Variants in SEMA4D observed in about 807,000 individuals in gnomAD.
The protein encoded by SEMA4D is semaphorin-4D.
Under a neutral mutation model 74.8 loss-of-function variants are expected in SEMA4D, and 22 were observed. The ratio of observed to expected loss-of-function variants is 0.29; its 90% CI spans 0.21 to 0.42. The LOEUF (loss-of-function observed/expected upper bound fraction) is 0.42. Among genes scored for constraint, SEMA4D ranks in the 10% least tolerant of loss-of-function variants. SEMA4D has a pLI of 1.00. For synonymous variants in SEMA4D, 445 were observed against 463.7 expected (o/e 0.96, Z 0.52); for missense variants, 937 against 1,118.4 (o/e 0.84, Z 2.31).
chr9:89,431,582 T>C (rs1849287839), intron 2 of SEMA4D, among the ~76,000 whole-genome samples: 1 of 152,220 alleles, frequency 6.6e-6, no homozygotes, highest in African/African-American at 2.4e-5. Flanking sequence ...ACTGCAGCCT[T>C]GAGCTCCTGG....
chr9:89,398,588 T>C (rs1388869487), intron 5 of SEMA4D, among the ~76,000 whole-genome samples: 1 of 152,204 alleles, frequency 6.6e-6, no homozygotes, highest in Non-Finnish European at 1.5e-5. Context: ...AGGACAGCTG[T>C]CCCACACAAT....
intron 1 of SEMA4D, among the ~76,000 whole-genome samples, chr9:89,461,739 C>T (rs1388836431): frequency 4.5e-5 from 6 of 132,084 alleles, no homozygotes; most frequent in Non-Finnish European, 9.3e-5. Context: ...GTCTCGCTCT[C>T]CCTCCCAGGC....
intron 2 of SEMA4D, chr9:89,418,405 T>TAAG: frequency 1.0e-6 from 1 of 985,468 alleles, no homozygotes; most frequent in Non-Finnish European, 1.2e-6. Flanking sequence ...AGGTGTACTT[T>TAAG]CTTGCACAAT....
At chr9:89,478,559 A>G (rs751671022) in intron 1 of SEMA4D, among the ~76,000 whole-genome samples, 4 of 152,148 alleles carry the variant, frequency 2.6e-5, no homozygotes, top group Non-Finnish European at 5.9e-5. Context: ...ATTCATCCCT[A>G]TGTCCCCTGT....
At position 89,449,620 on chromosome 9, in the gene SEMA4D, T is replaced by A. The variant is rs1257250289; in HGVS notation, c.-244+6268A>T. The A allele has an allele frequency of 4.4e-5, 52 of 1,179,682 alleles. 1 individual carries two copies. The highest frequency in any genetic ancestry group is 6.6e-5 in the Non-Finnish European group (52 of 790,120). 73.1% of individuals were successfully genotyped at this position (1,179,682 alleles called of 1,614,324 possible). On this transcript the variant is annotated intron_variant, in intron 2 of 15. Transcript: ENST00000422704. ...CCGAGGACCTGGTCGTGACCAACTA[T>A]AAGATGGGGGGGTGACATTGCCAAT...
chr9:89,456,246 C>T (rs1469315050), intron 1 of SEMA4D, among the ~76,000 whole-genome samples: 2 of 152,200 alleles, frequency 1.3e-5, no homozygotes, highest in Admixed American at 6.5e-5. Context: ...CCTGGCCAGG[C>T]ACCAACTTAG....
intron 2 of SEMA4D, among the ~76,000 whole-genome samples, chr9:89,407,282 G>C (rs929890703): frequency 6.6e-6 from 1 of 151,126 alleles, no homozygotes; most frequent in Admixed American, 6.6e-5. Flanking sequence ...CTCTTTAAAG[G>C]AGGCTGATTC....
chr9:89,449,624 A>AT (rs1236607440), intron 2 of SEMA4D: 2 of 1,207,522 alleles, frequency 1.7e-6, no homozygotes, highest in Non-Finnish European at 2.5e-6. Context: ...CAACTATAAG[A>AT]TGGGGGGGTG....
rs188796374 is a variant in SEMA4D at position 89,496,238 on chromosome 9, C to T, written c.-310+1681G>A. Among the ~76,000 whole-genome samples, 226 of 152,360 alleles carry T rather than the reference C, an allele frequency of 1.5e-3. 1 individual carries two copies. The highest frequency in any genetic ancestry group is 5.1e-3 in the African/African-American group (214 of 41,584). On this transcript the variant is annotated intron_variant, in intron 1 of 15. Transcript: ENST00000422704. ...TTCAACAGACTCTGGGTGTGCTTCT[C>T]AGGAGGTGGGCCCCCTCCCATGGAG...
intron 2 of SEMA4D, among the ~76,000 whole-genome samples, chr9:89,421,540 A>G (rs1376819365): frequency 6.6e-6 from 1 of 152,226 alleles, no homozygotes; most frequent in Non-Finnish European, 1.5e-5. Flanking sequence ...GAACGAGGCT[A>G]TTCAATAGGT....
chr9:89,407,804 G>A (rs958598845), intron 2 of SEMA4D, among the ~76,000 whole-genome samples: 3 of 152,234 alleles, frequency 2.0e-5, no homozygotes, highest in Non-Finnish European at 4.4e-5. Flanking sequence ...CTGCATGGCT[G>A]TGTAACGGCT....
Position 89,382,224 on chromosome 9 carries a change from G to A in SEMA4D, c.1447-878C>T, listed in dbSNP as rs139969308. 6.2e-3 allele frequency among the ~76,000 whole-genome samples: 951 copies of A among 152,346 alleles called. 7 individuals are homozygous for A. Among genetic ancestry groups the A allele is most frequent in the African/African-American group, 0.021 (889 of 41,586 alleles). The stretch of plus-strand genomic sequence containing the variant: ...CCCACATGCAGTGCACCCACCTGAA[G>A]CTCGGGGGCGTGCAACAGACCTGGA... On this transcript the variant is annotated intron_variant, in intron 13 of 15. Transcript: ENST00000422704.
chr9:89,465,849 T>G (rs1467113502), intron 1 of SEMA4D, among the ~76,000 whole-genome samples: 1 of 152,236 alleles, frequency 6.6e-6, no homozygotes, highest in African/African-American at 2.4e-5. Flanking sequence ...ATTCAAAGGC[T>G]GCCTATGCCC....
chr9:89,485,788 CAAAAAAAAAAAAAAAAA>C (rs56056536), intron 1 of SEMA4D, among the ~76,000 whole-genome samples: 1 of 76,840 alleles, frequency 1.3e-5, no homozygotes, highest in Non-Finnish European at 2.4e-5. Context: ...AACTCCATCT[CAAAAAAAAAAAAAAAAA>C]AAAAAAAAAG....
intron 2 of SEMA4D, among the ~76,000 whole-genome samples, chr9:89,449,271 T>C (rs536001125): frequency 6.6e-6 from 1 of 152,340 alleles, no homozygotes; most frequent in African/African-American, 2.4e-5. Flanking sequence ...TCTCAAAGCC[T>C]GATACGGTTG....
In SEMA4D at chr9:89,405,564, C is replaced by A; in HGVS notation, c.-108G>T. On this transcript the variant is annotated 5_prime_UTR_variant, in exon 3 of 16. Transcript: ENST00000422704. Reference sequence around the variant, plus strand: ...CTCAGCGCCCCAGGACCAGGGCCAGCAGCACAGCCTGGAGCTCGTGAACAG... The same window carrying A: ...CTCAGCGCCCCAGGACCAGGGCCAGAAGCACAGCCTGGAGCTCGTGAACAG... 6.6e-7 allele frequency: 1 copy of A among 1,521,706 alleles called. No homozygotes were observed. The highest frequency in any genetic ancestry group is 8.8e-7 in the Non-Finnish European group (1 of 1,138,780). 94.3% of individuals were successfully genotyped at this position (1,521,706 alleles called of 1,614,324 possible). A position where few individuals can be genotyped will look rare whatever the true frequency, so the allele number is the denominator to read the frequency against.
At chr9:89,485,788 C>CAAAAAAAAAAAAAAAAA (rs56056536) in intron 1 of SEMA4D, among the ~76,000 whole-genome samples, 3 of 76,842 alleles carry the variant, frequency 3.9e-5, no homozygotes, top group African/African-American at 1.5e-4. Flanking sequence ...AACTCCATCT[C>CAAAAAAAAAAAAAAAAA]AAAAAAAAAA....
At chr9:89,362,971 C>T (rs1164006884) in intron 18 of SEMA4D, among the ~76,000 whole-genome samples, 1 of 152,172 alleles carries the variant, frequency 6.6e-6, no homozygotes, top group East Asian at 1.9e-4. Context: ...AGCCCAGTTC[C>T]TGCCAGGGCT....
chr9:89,362,780 C>G (rs964978456), intron 18 of SEMA4D, among the ~76,000 whole-genome samples: 1 of 152,218 alleles, frequency 6.6e-6, no homozygotes, highest in African/African-American at 2.4e-5. Context: ...AACCCACACA[C>G]TTTAATGCAC....
Sources: gnomAD v4.1 joint callset for allele counts (sites outside exome capture counted in the v4.1 genomes callset) on GRCh38, gnomAD v4.1.1 for gene constraint, MANE v1.5 for transcripts, NCBI Gene and HGNC (gene_info 2026-07-23, HGNC 2026-07-21) for gene names.